The following XRN1 variants were observed in gnomAD, a reference collection of about 807,000 sequenced individuals.
XRN1 encodes the protein strand-exchange protein 1 homolog.
In XRN1, 67 loss-of-function variants were observed where a neutral mutation model predicts 222.3. The ratio of observed to expected loss-of-function variants is 0.30; its 90% CI spans 0.25 to 0.37. XRN1 has a LOEUF of 0.37. Among genes scored for constraint, XRN1 ranks in the 10% least tolerant of loss-of-function variants. The pLI, the probability that XRN1 is intolerant of heterozygous loss-of-function variation, is 1.00. For synonymous variants in XRN1, 643 were observed against 652.4 expected, an observed-to-expected ratio of 0.99 and a Z score of 0.22; for missense variants, 1,707 against 2,000.2, an observed-to-expected ratio of 0.85 and a Z score of 2.80.
At chr3:142,384,833 A>C in intron 20 of XRN1, 148 bp from the exon 21 acceptor site, 3 of 548,750 alleles carry the variant, frequency 5.5e-6, no homozygotes, top group East Asian at 3.3e-5. Context: ...CAGGTACCTA[A>C]CTTGAGACTT....
At chr3:142,321,574 TA>T (rs1231346353) in intron 37 of XRN1, among the ~76,000 whole-genome samples, 1 of 152,214 alleles carries the variant, frequency 6.6e-6, no homozygotes, top group Non-Finnish European at 1.5e-5. Flanking sequence ...ACTGAGATCA[TA>T]ACAATATTAA....
At chr3:142,332,770 A>G in intron 35 of XRN1, 197 bp downstream of exon 35, 3 of 829,594 alleles carry the variant, frequency 3.6e-6, no homozygotes, top group Non-Finnish European at 5.3e-6. Context: ...AATGTTTGAA[A>G]AGCAGGGGAA....
At chr3:142,414,577 G>A (rs1021212556) in intron 13 of XRN1, among the ~76,000 whole-genome samples, 2 of 151,450 alleles carry the variant, frequency 1.3e-5, no homozygotes, top group African/African-American at 4.9e-5. Context: ...CTCACTGCAA[G>A]CTCCACCTCC....
chr3:142,425,896 GT>G (rs879540004), intron 3 of XRN1, among the ~76,000 whole-genome samples: 32 of 144,322 alleles, frequency 2.2e-4, no homozygotes, highest in East Asian at 4.0e-4. Flanking sequence ...AATTCTGAAG[GT>G]TTTTTTTTTT....
intron 27 of XRN1, among the ~76,000 whole-genome samples, chr3:142,367,926 T>C (rs908543252): frequency 3.3e-5 from 3 of 91,090 alleles, no homozygotes; most frequent in African/African-American, 1.3e-4. Context: ...TTTATTGCCC[T>C]AGTAACATAA....
chr3:142,328,702 ATT>A (rs2065592563), intron 37 of XRN1, among the ~76,000 whole-genome samples: 2 of 81,212 alleles, frequency 2.5e-5, no homozygotes, highest in Non-Finnish European at 4.7e-5. Context: ...TACTTGTAAT[ATT>A]ATATATATAT....
intron 1 of XRN1, among the ~76,000 whole-genome samples, chr3:142,446,329 T>C (rs138751445): frequency 1.3e-5 from 2 of 152,338 alleles, no homozygotes; most frequent in Non-Finnish European, 2.9e-5. Context: ...CAAACATTTT[T>C]GAAAGGTATC....
chr3:142,366,713 A>G (rs765115259), intron 27 of XRN1, among the ~76,000 whole-genome samples: 2 of 152,192 alleles, frequency 1.3e-5, no homozygotes, highest in Non-Finnish European at 2.9e-5. Flanking sequence ...TAGATGCACT[A>G]AAAGACTACA....
intron 33 of XRN1, among the ~76,000 whole-genome samples, chr3:142,345,569 T>C (rs1005930347): frequency 1.3e-5 from 2 of 152,142 alleles, no homozygotes; most frequent in African/African-American, 4.8e-5. Context: ...TTCATCAAAA[T>C]TTAAAACTTT....
Position 142,332,415 on chromosome 3 carries a change from T to A in XRN1, c.4182A>T (p.Glu1394Asp), listed in dbSNP as rs1289171578. Residue 1394 changes from glutamate to aspartate, a missense_variant, in exon 36 of 41, where the codon GAA becomes GAT. Glu to Asp is a conservative substitution (Grantham distance 45). Coordinates refer to ENST00000392981, the MANE Select transcript of XRN1 (RefSeq NM_001282857.2). ...EIPVSSNRRD[E>D]YGLPSQPKQN... ...GTTTAGGCTGAGAGGGTAATCCATA[T>A]TCATCTCTTCTGTTAGAGGAAACAG... 1 of 1,612,352 alleles carries A rather than the reference T, an allele frequency of 6.2e-7. No individual in the cohort carries two copies. Among genetic ancestry groups the A allele is most frequent in the South Asian group, 1.1e-5 (1 of 90,986 alleles).
rs1036123528 is a variant in XRN1, at chr3:142,311,784, C to CT, written c.4811dup (p.Asn1605GlufsTer3). 6.3e-7 allele frequency: 1 copy of CT among 1,597,192 alleles called. No homozygotes were observed. The highest frequency in any genetic ancestry group is 1.4e-5 in the African/African-American group (1 of 73,902). Reference sequence around the variant, plus strand: ...TCTGGGCTTCCTTATTCTCAAAGTTCTTTTTGTTTGCAACCCTTTTTTTAG... The same window carrying CT: ...TCTGGGCTTCCTTATTCTCAAAGTTCTTTTTTGTTTGCAACCCTTTTTTTAG... On this transcript the variant is annotated frameshift_variant, in exon 41 of 41. Coordinates refer to ENST00000392981, the MANE Select transcript of XRN1 (RefSeq NM_001282857.2). LOFTEE classifies it high-confidence loss of function.
intron 32 of XRN1, among the ~76,000 whole-genome samples, chr3:142,349,820 G>A (rs2066254726): frequency 6.6e-6 from 1 of 152,150 alleles, no homozygotes; most frequent in African/African-American, 2.4e-5. Flanking sequence ...TAAAACATGA[G>A]AGTGTTCAGC....
intron 33 of XRN1, among the ~76,000 whole-genome samples, chr3:142,345,665 G>A (rs1181463350): frequency 1.3e-5 from 2 of 152,040 alleles, no homozygotes; most frequent in Non-Finnish European, 2.9e-5. Context: ...CAAGAAGCAT[G>A]TAATATCTAG....
intron 24 of XRN1, 144 bp from the exon 25 acceptor site, chr3:142,376,088 T>A: frequency 1.5e-6 from 2 of 1,328,806 alleles, no homozygotes; most frequent in Non-Finnish European, 1.9e-6. Flanking sequence ...TATATTTTAG[T>A]TATTATGGTT....
intron 2 of XRN1, among the ~76,000 whole-genome samples, chr3:142,432,044 CG>C (rs1483125472): frequency 2.2e-5 from 2 of 90,604 alleles, no homozygotes; most frequent in African/African-American, 4.8e-5. Context: ...CTTTTTGAGA[CG>C]GAGTTTTGCA....
At chr3:142,427,623 C>A (rs2069314844) in intron 2 of XRN1, among the ~76,000 whole-genome samples, 1 of 151,966 alleles carries the variant, frequency 6.6e-6, no homozygotes, top group Admixed American at 6.6e-5. Flanking sequence ...TTTGTGTTTC[C>A]TAAAAACATT....
rs755948741 is a variant in XRN1, at chr3:142,423,541, T to TA, written c.710+18dup. 1 of 1,569,460 alleles carries TA rather than the reference T, an allele frequency of 6.4e-7. No homozygotes were observed. Among genetic ancestry groups the TA allele is most frequent in the Admixed American group, 1.9e-5 (1 of 51,788 alleles). ...CAGGCGTAATTTCTTTCTTCCAACA[T>TA]ATATGCTATATAATTTACCGTTGTG... On this transcript the variant is annotated intron_variant, in intron 6 of 40. Coordinates refer to ENST00000392981, the MANE Select transcript of XRN1 (RefSeq NM_001282857.2).
intron 21 of XRN1, 49 bp from the exon 22 acceptor site, chr3:142,383,462 C>T (rs369120260): frequency 5.0e-5 from 74 of 1,480,356 alleles, no homozygotes; most frequent in African/African-American, 5.0e-4. Flanking sequence ...CTATAGATTG[C>T]GTATCAAGTT....
At chr3:142,341,026 C>T (rs1314569982) in intron 33 of XRN1, among the ~76,000 whole-genome samples, 1 of 152,008 alleles carries the variant, frequency 6.6e-6, no homozygotes, top group Non-Finnish European at 1.5e-5. Context: ...AAACACATAA[C>T]ACTGTATGGT....
Sources: gnomAD v4.1 joint callset for allele counts (sites outside exome capture counted in the v4.1 genomes callset) on GRCh38, gnomAD v4.1.1 for gene constraint, MANE v1.5 for transcripts, NCBI Gene and HGNC (gene_info 2026-07-23, HGNC 2026-07-21) for gene names.